Variants in LIMCH1 observed in about 807,000 individuals in gnomAD.
The protein encoded by LIMCH1 is LIM and calponin homology domains-containing protein 1.
LIMCH1 carries 113 observed loss-of-function variants against 176.5 expected under a neutral mutation model. That is an observed-to-expected ratio of 0.64 (90% CI 0.55 to 0.75). LIMCH1 has a LOEUF of 0.75. Ranked by LOEUF, LIMCH1 falls within the 30% of genes least tolerant of loss-of-function variation. LIMCH1 has a pLI of 0.00. For missense variants in LIMCH1, 1,674 were observed against 1,814.9 expected (o/e 0.92, Z 1.41); for synonymous variants, 619 against 645.9 (o/e 0.96, Z 0.63).
chr4:41,538,976 G>T (rs964935777), intron 1 of LIMCH1, among the ~76,000 whole-genome samples: 12 of 152,166 alleles, frequency 7.9e-5, no homozygotes, highest in African/African-American at 2.4e-4. Flanking sequence ...AAGGAATGGG[G>T]GTTATTTCTG....
chr4:41,472,641 A>T (rs1005595912), intron 1 of LIMCH1, among the ~76,000 whole-genome samples: 22 of 151,910 alleles, frequency 1.4e-4, no homozygotes, highest in Admixed American at 5.2e-4. Context: ...CTGGTCTCAA[A>T]CTCCTGGGCT....
intron 1 of LIMCH1, among the ~76,000 whole-genome samples, chr4:41,380,216 T>C (rs1006526911): frequency 1.3e-5 from 2 of 152,224 alleles, no homozygotes; most frequent in Non-Finnish European, 2.9e-5. Context: ...TAATATGCAC[T>C]ATTTATATTG....
intron 2 of LIMCH1, among the ~76,000 whole-genome samples, chr4:41,511,732 CA>C (rs2074951465): frequency 6.6e-6 from 1 of 152,058 alleles, no homozygotes; most frequent in Admixed American, 6.5e-5. Flanking sequence ...TATAACTAAC[CA>C]GTAAATTTGT....
At chr4:41,377,373 A>G (rs1427260066) in intron 1 of LIMCH1, among the ~76,000 whole-genome samples, 1 of 152,180 alleles carries the variant, frequency 6.6e-6, no homozygotes, top group Non-Finnish European at 1.5e-5. Flanking sequence ...ACATCTACTC[A>G]CATTCCACTG....
intron 1 of LIMCH1, among the ~76,000 whole-genome samples, chr4:41,421,362 C>T (rs1213913522): frequency 2.6e-5 from 4 of 152,142 alleles, no homozygotes; most frequent in African/African-American, 7.2e-5. Flanking sequence ...TTCAGGTGAG[C>T]AGATTTGCAG....
At chr4:41,524,570 A>AATAT in intron 3 of LIMCH1, 1 of 923,006 alleles carries the variant, frequency 1.1e-6, no homozygotes, top group Admixed American at 1.7e-5. Context: ...TCTCTCCTGC[A>AATAT]ATATATATTC....
intron 1 of LIMCH1, among the ~76,000 whole-genome samples, chr4:41,461,877 G>T (rs6827847): frequency 6.6e-6 from 1 of 152,166 alleles, no homozygotes; most frequent in African/African-American, 2.4e-5. Flanking sequence ...AAGTAAGAGC[G>T]TAATGAAATG....
At chr4:41,531,007 A>G (rs2077229048) in intron 3 of LIMCH1, among the ~76,000 whole-genome samples, 4 of 151,702 alleles carry the variant, frequency 2.6e-5, no homozygotes, top group Admixed American at 2.6e-4. Context: ...TCTTTACTCT[A>G]AAGTTCAAAG....
At chr4:41,369,939 A>AGTGTGTGTGTGTGTGTGTGT (rs113302113) in intron 1 of LIMCH1, among the ~76,000 whole-genome samples, 2,832 of 138,296 alleles carry the variant, frequency 0.02, 48 homozygotes, top group Non-Finnish European at 0.024. Flanking sequence ...CAGGAAGCAA[A>AGTGTGTGTGTGTGTGTGTGT]GTGTGTGTGT....
chr4:41,678,339 T>A (rs16853451), intron 23 of LIMCH1, among the ~76,000 whole-genome samples: 4,739 of 152,230 alleles, frequency 0.031, 220 homozygotes, highest in African/African-American at 0.099. Context: ...GCTCTGCCTG[T>A]TAAGTTTGGC....
At chr4:41,561,324 A>T (rs1251742588) in intron 1 of LIMCH1, among the ~76,000 whole-genome samples, 1 of 151,988 alleles carries the variant, frequency 6.6e-6, no homozygotes, top group African/African-American at 2.4e-5. Context: ...AACTGCATGG[A>T]TTTTTCTGTA....
At chr4:41,594,793 G>C (rs564001616) in intron 1 of LIMCH1, among the ~76,000 whole-genome samples, 1 of 152,272 alleles carries the variant, frequency 6.6e-6, no homozygotes, top group East Asian at 1.9e-4. Flanking sequence ...GTGCATCCCA[G>C]ATCTGTGTGT....
intron 1 of LIMCH1, among the ~76,000 whole-genome samples, chr4:41,493,875 A>G (rs1029647561): frequency 6.6e-6 from 1 of 152,086 alleles, no homozygotes; most frequent in African/African-American, 2.4e-5. Context: ...TTTCTCTTTT[A>G]TGCCATATTA....
chr4:41,444,309 TATATACACACACACAC>T (rs767994995), intron 1 of LIMCH1, among the ~76,000 whole-genome samples: 2,106 of 99,558 alleles, frequency 0.021, 56 homozygotes, highest in South Asian at 0.2. Flanking sequence ...TGTGTGTATA[TATATACACACACACAC>T]ACACACACAC....
At chr4:41,617,455 G>A (rs4860997) in intron 5 of LIMCH1, among the ~76,000 whole-genome samples, 85,554 of 152,052 alleles carry the variant, frequency 0.56, 29,067 homozygotes, top group Non-Finnish European at 0.73. Context: ...TAAGAGTTTA[G>A]CAAGGTAGGG....
rs945582180 is a variant in LIMCH1, at chr4:41,531,999, T to C, written c.237+7521T>C. ...ATGGAATTTAATGACACACTTTCCT[T>C]TATCCTCATCCCTGGCACAGTATGA... On this transcript the variant is annotated intron_variant, in intron 3 of 26. Coordinates refer to the LIMCH1 transcript ENST00000313860. Among the ~76,000 whole-genome samples the C allele has an allele frequency of 3.3e-5, 5 of 152,268 alleles. No homozygotes were observed. In the East Asian group the frequency reaches 7.7e-4, roughly 24 times the overall value.
chr4:41,646,621 A>G lies in LIMCH1; in HGVS notation c.2548A>G (p.Ile850Val), dbSNP rs772789586. 7 of 1,614,092 alleles carry G rather than the reference A, an allele frequency of 4.3e-6. No homozygotes were observed. Among genetic ancestry groups the G allele is most frequent in the East Asian group, 2.2e-5 (1 of 44,884 alleles). ...TCTCGAACGCTTGGAGATGCCAAAA[A>G]TTCTGGAAAGAAGCCATTCAACAGA... ...AVLERLEMPK[I>V]LERSHSTEPN... The change falls in exon 17 of 32, where the codon ATT becomes GTT. Residue 850 changes from isoleucine to valine, a missense_variant. Around this residue, in one of 3 missense-constraint regions of LIMCH1, gnomAD observed 1,015 missense variants for 1,102.5 expected, o/e 0.92. Coordinates refer to ENST00000503057, the MANE Select transcript of LIMCH1 (RefSeq NM_001330672.2).
In LIMCH1 at chr4:41,699,605, T is replaced by G. The variant is rs1452144178; in HGVS notation, c.*2420T>G. On this transcript the variant is annotated 3_prime_UTR_variant, in exon 32 of 32. Coordinates refer to ENST00000503057, the MANE Select transcript of LIMCH1 (RefSeq NM_001330672.2). ...TGCTCTGCTCCATTGAGCTATAATGTAAATGTGTTTGTTTAAAAAACAGGT... is the reference window on the plus strand; with the variant it reads ...TGCTCTGCTCCATTGAGCTATAATGGAAATGTGTTTGTTTAAAAAACAGGT... 6.6e-6 allele frequency: 1 copy of G among 152,180 alleles called. No homozygotes were observed. Among genetic ancestry groups the G allele is most frequent in the African/African-American group, 2.4e-5 (1 of 41,444 alleles). 9.4% of individuals were successfully genotyped at this position (152,180 alleles called of 1,614,324 possible). A position where few individuals can be genotyped will look rare whatever the true frequency, so the allele number is the denominator to read the frequency against.
At chr4:41,663,448 T>C (rs554166589) in intron 20 of LIMCH1, among the ~76,000 whole-genome samples, 25 of 152,170 alleles carry the variant, frequency 1.6e-4, no homozygotes, top group Non-Finnish European at 2.6e-4. Context: ...GCTTATTTGC[T>C]TTTTAACCTG....
Sources: gnomAD v4.1 joint callset for allele counts (sites outside exome capture counted in the v4.1 genomes callset) on GRCh38, gnomAD v4.1.1 for gene constraint, gnomAD v4.1.1 regional missense constraint, MANE v1.5 for transcripts, NCBI Gene and HGNC (gene_info 2026-07-23, HGNC 2026-07-21) for gene names.